EYS: variants seen among roughly 807,000 people sequenced by gnomAD.
EYS encodes protein eyes shut homolog.
Under a neutral mutation model 282.1 loss-of-function variants are expected in EYS, and 250 were observed. That is an observed-to-expected ratio of 0.89 (90% CI 0.80 to 0.98). The LOEUF is 0.98. Among genes scored for constraint, EYS ranks in the 50% least tolerant of loss-of-function variants. The pLI is 0.00. For synonymous variants in EYS, 1,355 were observed against 1,282.9 expected, an observed-to-expected ratio of 1.06 and a Z score of -1.20; for missense variants, 4,016 against 3,709.0, an observed-to-expected ratio of 1.08 and a Z score of -2.15.
chr6:64,106,947 G>A lies in EYS; in HGVS notation c.6425-24945C>T, dbSNP rs902252201. On this transcript the variant is annotated intron_variant, in intron 31 of 42. Transcript: ENST00000503581. ...GCTCAAAGATTCTTTTCTCAGCAGT[G>A]CCCAGTCTACTAAGCCCATAATGGC... Among the ~76,000 whole-genome samples, 3 of 150,608 alleles carry A rather than the reference G, an allele frequency of 2.0e-5. No homozygotes were observed. In the East Asian group the frequency reaches 5.9e-4, roughly 29 times the overall value.
At chr6:63,870,737 T>C (rs1344860381) in intron 35 of EYS, among the ~76,000 whole-genome samples, 2 of 152,200 alleles carry the variant, frequency 1.3e-5, no homozygotes, top group Non-Finnish European at 2.9e-5. Context: ...TCTCTTTATA[T>C]AGAGTCAGTG....
chr6:63,798,943 ATATATATATATGTATATGTG>A (rs1467251301), intron 37 of EYS, among the ~76,000 whole-genome samples: 3 of 139,948 alleles, frequency 2.1e-5, no homozygotes, highest in East Asian at 2.0e-4. Flanking sequence ...CTTCTAAAAT[ATATATATATATGTATATGTG>A]TATATATATA....
At chr6:63,972,541 C>CT (rs760518349) in intron 35 of EYS, among the ~76,000 whole-genome samples, 63 of 151,660 alleles carry the variant, frequency 4.2e-4, no homozygotes, top group Middle Eastern at 3.4e-3. Context: ...GAGAACTAAT[C>CT]TTTTTTTTTA....
At chr6:64,082,851 A>AT (rs1772018801) in intron 31 of EYS, among the ~76,000 whole-genome samples, 1 of 152,030 alleles carries the variant, frequency 6.6e-6, no homozygotes, top group South Asian at 2.1e-4. Context: ...AGTGTAACAC[A>AT]TGGTATGTTG....
intron 29 of EYS, among the ~76,000 whole-genome samples, chr6:64,353,980 G>T (rs1037360643): frequency 6.6e-6 from 1 of 151,566 alleles, no homozygotes. Flanking sequence ...TGAGCCACCG[G>T]AGGTTAGCTG....
chr6:64,681,251 A>C (rs1043051317), intron 22 of EYS, among the ~76,000 whole-genome samples: 1 of 152,220 alleles, frequency 6.6e-6, no homozygotes, highest in Admixed American at 6.5e-5. Context: ...AACCCTTGAA[A>C]GAAGAGAATT....
intron 22 of EYS, among the ~76,000 whole-genome samples, chr6:64,746,140 C>A (rs1166854799): frequency 1.3e-5 from 2 of 151,728 alleles, no homozygotes; most frequent in African/African-American, 4.8e-5. Context: ...GTTACAAGGG[C>A]AATTAAATTT....
chr6:65,446,972 G>A (rs1226266068), intron 5 of EYS, among the ~76,000 whole-genome samples: 1 of 151,526 alleles, frequency 6.6e-6, no homozygotes, highest in Non-Finnish European at 1.5e-5. Context: ...AATTATTAAA[G>A]ACTTCTCACA....
At chr6:63,990,403 C>G (rs1347763384) in intron 34 of EYS, among the ~76,000 whole-genome samples, 3 of 151,620 alleles carry the variant, frequency 2.0e-5, no homozygotes, top group Non-Finnish European at 4.4e-5. Context: ...AGGTCCACTC[C>G]CCAACATAGC....
chr6:64,502,088 A>T (rs1777064374), intron 26 of EYS, among the ~76,000 whole-genome samples: 1 of 152,224 alleles, frequency 6.6e-6, no homozygotes, highest in Admixed American at 6.5e-5. Flanking sequence ...CCATACAAGC[A>T]GTAGCTGTAA....
At chr6:64,000,274 C>T (rs1768031887) in intron 33 of EYS, among the ~76,000 whole-genome samples, 1 of 145,076 alleles carries the variant, frequency 6.9e-6, no homozygotes, top group African/African-American at 2.5e-5. Flanking sequence ...TCACGGCAAG[C>T]TCTGCCTCCC....
chr6:63,869,841 G>A (rs1425053939), intron 35 of EYS, among the ~76,000 whole-genome samples: 21 of 151,970 alleles, frequency 1.4e-4, no homozygotes, highest in Admixed American at 1.4e-3. Context: ...TATTGTGGGT[G>A]AAAAAATAAA....
In EYS at chr6:63,864,338, C is replaced by A. The variant is rs899078148; in HGVS notation, c.7076G>T (p.Cys2359Phe). ...TCISDNENLF[C>F]ECPRLYSGKL... ...GCCTGAATACAGCCTTGGACACTCA[C>A]AAAACAGATTTTCATTATCACTGAG... is the stretch of plus-strand genomic sequence containing the variant. Residue 2359 changes from cysteine (C) to phenylalanine (F), a missense_variant, in exon 36 of 43, where the codon TGT becomes TTT. Coordinates refer to ENST00000503581, the MANE Select transcript of EYS (RefSeq NM_001142800.2). 1 of 1,550,158 alleles carries A rather than the reference C, an allele frequency of 6.5e-7. No individual in the cohort carries two copies. Among genetic ancestry groups the A allele is most frequent in the Non-Finnish European group, 8.7e-7 (1 of 1,146,346 alleles).
intron 37 of EYS, among the ~76,000 whole-genome samples, chr6:63,803,133 GGT>G (rs1377784936): frequency 6.6e-6 from 1 of 152,116 alleles, no homozygotes; most frequent in Non-Finnish European, 1.5e-5. Flanking sequence ...TCATGGTCCA[GGT>G]GTTTGTCTTT....
Position 64,357,108 on chromosome 6 carries a change from G to A in EYS, c.6078+31582C>T, listed in dbSNP as rs1003581818. On this transcript the variant is annotated intron_variant, in intron 29 of 42. Coordinates refer to ENST00000503581, the MANE Select transcript of EYS (RefSeq NM_001142800.2). ...GGTTCTCTTTGGACAATTAATAAGT[G>A]GGTGACATTAAGTAACTTGAATCAA... Among the ~76,000 whole-genome samples the A allele has an allele frequency of 1.3e-5, 2 of 151,600 alleles. 1 individual carries two copies. The highest frequency in any genetic ancestry group is 3.0e-5 in the Non-Finnish European group (2 of 67,722).
At chr6:64,021,045 T>C (rs1357036198) in intron 33 of EYS, among the ~76,000 whole-genome samples, 1 of 152,092 alleles carries the variant, frequency 6.6e-6, no homozygotes, top group Non-Finnish European at 1.5e-5. Flanking sequence ...ATTACTATAG[T>C]CTTCCTAAAA....
intron 32 of EYS, among the ~76,000 whole-genome samples, chr6:64,069,296 C>T (rs1026822452): frequency 2.0e-5 from 3 of 151,734 alleles, no homozygotes; most frequent in African/African-American, 7.3e-5. Flanking sequence ...CTAATTGATC[C>T]AAAATCATCA....
At chr6:64,395,107 G>C (rs1274287776) in intron 28 of EYS, among the ~76,000 whole-genome samples, 4 of 152,168 alleles carry the variant, frequency 2.6e-5, no homozygotes, top group Admixed American at 2.0e-4. Flanking sequence ...AGTTAGAATG[G>C]CGATCATTAA....
intron 12 of EYS, among the ~76,000 whole-genome samples, chr6:65,087,731 T>C (rs191948925): frequency 6.8e-4 from 104 of 152,310 alleles, no homozygotes; most frequent in African/African-American, 2.3e-3. Context: ...GCTTGAATAA[T>C]AAATGACCTC....
Sources: allele counts gnomAD v4.1 joint callset (sites outside exome capture counted in the v4.1 genomes callset), GRCh38; gene constraint gnomAD v4.1.1; transcripts MANE v1.5; gene names NCBI Gene and HGNC (gene_info 2026-07-23, HGNC 2026-07-21).